SUCLG2: variants seen among roughly 807,000 people sequenced by gnomAD.
The protein encoded by SUCLG2 is succinate-CoA ligase GDP-forming subunit beta.
In SUCLG2, 42 loss-of-function variants were observed where a neutral mutation model predicts 47.9. The observed-to-expected ratio is 0.88, with a 90% CI of 0.69 to 1.14. SUCLG2 has a LOEUF of 1.14. SUCLG2 is among the 50% of genes most tolerant of loss of function. SUCLG2 has a pLI of 0.00. For synonymous variants in SUCLG2, 195 were observed against 197.3 expected (o/e 0.99, Z 0.10); for missense variants, 571 against 525.9 (o/e 1.09, Z -0.84).
intron 10 of SUCLG2, among the ~76,000 whole-genome samples, chr3:67,363,539 T>C (rs548643567): frequency 6.6e-6 from 1 of 152,268 alleles, no homozygotes; most frequent in African/African-American, 2.4e-5. Flanking sequence ...CTACACATAG[T>C]GCAATCTTAA....
intron 9 of SUCLG2, among the ~76,000 whole-genome samples, chr3:67,422,472 T>TAAAAAAAAAAAAA (rs1559520249): frequency 5.7e-4 from 7 of 12,324 alleles, no homozygotes; most frequent in African/African-American, 2.2e-3. Flanking sequence ...AGACTCCATC[T>TAAAAAAAAAAAAA]CAAAAAAAAA....
chr3:67,384,602 A>T (rs1438628648), intron 10 of SUCLG2, among the ~76,000 whole-genome samples: 21 of 152,212 alleles, frequency 1.4e-4, no homozygotes, highest in Non-Finnish European at 3.1e-4. Context: ...TCAGGTGAAG[A>T]CAAGAATCAT....
chr3:67,589,598 C>T (rs1708104817), intron 2 of SUCLG2, among the ~76,000 whole-genome samples: 1 of 152,232 alleles, frequency 6.6e-6, no homozygotes, highest in Non-Finnish European at 1.5e-5. Context: ...TATCCCCTGC[C>T]ATGCACATTC....
chr3:67,364,435 C>A (rs1219589489), intron 10 of SUCLG2, among the ~76,000 whole-genome samples: 1 of 143,170 alleles, frequency 7.0e-6, no homozygotes, highest in East Asian at 2.1e-4. Context: ...CCACCCCCCC[C>A]ACCCCCAAGT....
intron 9 of SUCLG2, 108 bp from the exon 10 acceptor site, chr3:67,400,959 G>C: frequency 2.0e-6 from 3 of 1,501,944 alleles, no homozygotes; most frequent in Middle Eastern, 2.1e-4. Flanking sequence ...TCGTTTTTTT[G>C]TTTTTGTTTT....
Position 67,597,853 on chromosome 3 carries a change from G to A in SUCLG2, c.226+11602C>T, listed in dbSNP as rs578023320. ...CCCCGGAGGCTGAGGGAGGAGAATC[G>A]CTTGAACCTGGGAGGCAGAGGTTGC... On this transcript the variant is annotated intron_variant, in intron 2 of 10. Coordinates refer to ENST00000307227, the MANE Select transcript of SUCLG2 (RefSeq NM_003848.4). 1.8e-4 allele frequency among the ~76,000 whole-genome samples: 28 copies of A among 152,034 alleles called. No homozygotes were observed. In the South Asian group the frequency reaches 3.9e-3, roughly 21 times the overall value.
chr3:67,566,034 A>G (rs1012013788), intron 2 of SUCLG2, among the ~76,000 whole-genome samples: 3 of 152,182 alleles, frequency 2.0e-5, no homozygotes, highest in African/African-American at 7.2e-5. Context: ...CCTTGACTCA[A>G]TCAGGCAAGG....
chr3:67,471,956 T>C (rs1447107629), intron 9 of SUCLG2, among the ~76,000 whole-genome samples: 2 of 137,282 alleles, frequency 1.5e-5, no homozygotes, highest in African/African-American at 5.1e-5. Flanking sequence ...ATTAGATATA[T>C]GCATACACCT....
chr3:67,497,189 T>C (rs976449761), intron 8 of SUCLG2, among the ~76,000 whole-genome samples: 2 of 152,190 alleles, frequency 1.3e-5, no homozygotes, highest in Non-Finnish European at 1.5e-5. Flanking sequence ...TCACTTGTAA[T>C]TGGATGTCAT....
intron 10 of SUCLG2, among the ~76,000 whole-genome samples, chr3:67,400,457 A>C (rs1193255725): frequency 6.6e-6 from 1 of 152,158 alleles, no homozygotes; most frequent in East Asian, 1.9e-4. Context: ...TTCCCCAAAC[A>C]CTAATCTCAT....
At chr3:67,489,874 G>T (rs1349074185) in intron 9 of SUCLG2, among the ~76,000 whole-genome samples, 2 of 152,270 alleles carry the variant, frequency 1.3e-5, no homozygotes, top group Non-Finnish European at 2.9e-5. Flanking sequence ...TCTTGTAAAT[G>T]CCTATGTTAC....
chr3:67,645,411 C>T (rs952272696), intron 1 of SUCLG2, among the ~76,000 whole-genome samples: 2 of 152,134 alleles, frequency 1.3e-5, no homozygotes, highest in African/African-American at 4.8e-5. Context: ...AAGCCTTCTG[C>T]CTCCATTTCC....
intron 10 of SUCLG2, among the ~76,000 whole-genome samples, chr3:67,391,760 G>C (rs1017579340): frequency 2.6e-5 from 4 of 152,136 alleles, no homozygotes; most frequent in Non-Finnish European, 5.9e-5. Context: ...ATCCCCAGCA[G>C]AGCCAAGGTC....
chr3:67,381,252 G>T (rs1427946810), intron 10 of SUCLG2, among the ~76,000 whole-genome samples: 1 of 152,118 alleles, frequency 6.6e-6, no homozygotes, highest in Non-Finnish European at 1.5e-5. Flanking sequence ...AGTGGAAACA[G>T]GTTATTGAAA....
chr3:67,572,558 C>T (rs1707642037), intron 2 of SUCLG2, among the ~76,000 whole-genome samples: 1 of 152,104 alleles, frequency 6.6e-6, no homozygotes, highest in South Asian at 2.1e-4. Flanking sequence ...ATACCCTGCA[C>T]AGTAAAAAAA....
Position 67,520,539 on chromosome 3 carries a change from G to A in SUCLG2, c.513C>T (p.Pro171=), listed in dbSNP as rs1706071355. 6.2e-7 allele frequency: 1 copy of A among 1,614,054 alleles called. No homozygotes were observed. The highest frequency in any genetic ancestry group is 1.3e-5 in the African/African-American group (1 of 74,924). ...SCNGPVLVGS[P]QGGVDIEEVA... ...CCTCTTCAATGTCGACGCCCCCCTG[G>A]GGGCTGCCCACCAGCACGGGGCCAT... Residue 171 remains proline (P), a synonymous_variant, in exon 5 of 11, where the codon CCC becomes CCT. Coordinates refer to ENST00000307227, the MANE Select transcript of SUCLG2 (RefSeq NM_003848.4).
chr3:67,403,623 G>A (rs6784952), intron 9 of SUCLG2, among the ~76,000 whole-genome samples: 109,308 of 151,972 alleles, frequency 0.72, 39,684 homozygotes, highest in Admixed American at 0.81. Context: ...GCCAAGACCA[G>A]GGGAGAGGCG....
At chr3:67,567,185 A>G (rs1707473831) in intron 2 of SUCLG2, among the ~76,000 whole-genome samples, 1 of 152,218 alleles carries the variant, frequency 6.6e-6, no homozygotes, top group Non-Finnish European at 1.5e-5. Context: ...CCTGTCTCAA[A>G]AGAAAAAAAA....
downstream of SUCLG2, among the ~76,000 whole-genome samples, chr3:67,370,095 A>C (rs760298445): frequency 2.0e-5 from 3 of 152,176 alleles, no homozygotes; most frequent in African/African-American, 7.2e-5. Flanking sequence ...ATTTTTTTGA[A>C]ATTCACACGC....
Sources: gnomAD v4.1 joint callset for allele counts (sites outside exome capture counted in the v4.1 genomes callset) on GRCh38, gnomAD v4.1.1 for gene constraint, MANE v1.5 for transcripts, NCBI Gene and HGNC (gene_info 2026-07-23, HGNC 2026-07-21) for gene names.